The following NELL2 variants were observed in gnomAD, a reference collection of about 807,000 sequenced individuals.
NELL2 encodes the protein protein kinase C-binding protein NELL2.
Under a neutral mutation model 109.6 loss-of-function variants are expected in NELL2, and 41 were observed. The ratio of observed to expected loss-of-function variants is 0.37; its 90% CI spans 0.29 to 0.49. The LOEUF (loss-of-function observed/expected upper bound fraction) is 0.49, where lower values mean the gene tolerates loss of function less well. Among genes scored for constraint, NELL2 ranks in the 20% least tolerant of loss-of-function variants. The pLI is 0.98. For missense variants in NELL2, 900 were observed against 1,008.3 expected, an observed-to-expected ratio of 0.89 and a Z score of 1.45; for synonymous variants, 355 against 344.7, an observed-to-expected ratio of 1.03 and a Z score of -0.33.
chr12:44,915,045 G>C (rs1945818215), upstream of NELL2, among the ~76,000 whole-genome samples: 6 of 151,964 alleles, frequency 3.9e-5, no homozygotes, highest in Non-Finnish European at 8.8e-5. Context: ...TAGAAACAGG[G>C]TTTCACCGTG....
At chr12:44,685,705 G>A (rs1288204969) in intron 12 of NELL2, among the ~76,000 whole-genome samples, 6 of 151,994 alleles carry the variant, frequency 3.9e-5, no homozygotes, top group Non-Finnish European at 1.5e-5. Flanking sequence ...GAAATTCTAG[G>A]TTGAAAATTC....
chr12:44,644,470 GAA>G (rs929753286), intron 13 of NELL2, among the ~76,000 whole-genome samples: 7 of 151,090 alleles, frequency 4.6e-5, no homozygotes, highest in African/African-American at 1.5e-4. Flanking sequence ...ATAAAGGAGG[GAA>G]AGTCTTCATT....
chr12:44,657,608 T>C (rs1035428333), intron 13 of NELL2, among the ~76,000 whole-genome samples: 1 of 152,178 alleles, frequency 6.6e-6, no homozygotes, highest in Non-Finnish European at 1.5e-5. Flanking sequence ...TAGGTATTTC[T>C]CCTAATGCTA....
intron 15 of NELL2, among the ~76,000 whole-genome samples, chr12:44,550,778 G>C (rs1379449683): frequency 6.6e-6 from 1 of 152,206 alleles, no homozygotes; most frequent in Non-Finnish European, 1.5e-5. Flanking sequence ...AAAGATAAGT[G>C]CTGTATAATC....
At chr12:44,650,775 C>A (rs1160868366) in intron 13 of NELL2, among the ~76,000 whole-genome samples, 2 of 147,252 alleles carry the variant, frequency 1.4e-5, no homozygotes, top group Non-Finnish European at 2.9e-5. Flanking sequence ...TTCTTTCTTT[C>A]TTTCTTTCTT....
intron 1 of NELL2, among the ~76,000 whole-genome samples, chr12:44,898,214 T>C (rs1254828514): frequency 1.3e-5 from 2 of 151,640 alleles, no homozygotes; most frequent in African/African-American, 4.9e-5. Context: ...GCCTGCTGGC[T>C]CTGAAGAGAG....
chr12:44,733,420 C>T (rs936935814), intron 9 of NELL2, among the ~76,000 whole-genome samples: 10 of 151,882 alleles, frequency 6.6e-5, no homozygotes, highest in Non-Finnish European at 5.9e-5. Flanking sequence ...ATGGATGAAT[C>T]TTGAGAACAT....
At chr12:44,526,508 C>T (rs116032417) in intron 16 of NELL2, among the ~76,000 whole-genome samples, 4 of 152,288 alleles carry the variant, frequency 2.6e-5, no homozygotes, top group Admixed American at 2.0e-4. Flanking sequence ...CAATCATGCT[C>T]TAAGCCTGTG....
intron 1 of NELL2, among the ~76,000 whole-genome samples, chr12:44,913,380 T>G (rs1003729971): frequency 2.0e-5 from 3 of 152,168 alleles, no homozygotes; most frequent in African/African-American, 7.2e-5. Context: ...TGATTTCTAG[T>G]TTTTTCTTTA....
chr12:44,603,041 G>A, intron 15 of NELL2, among the ~76,000 whole-genome samples: 1 of 152,204 alleles, frequency 6.6e-6, no homozygotes, highest in South Asian at 2.1e-4. Context: ...CAACACTCAT[G>A]TAGGCCTCAT....
At position 44,774,800 on chromosome 12, in the gene NELL2, G is replaced by T; in HGVS notation, c.941C>A (p.Pro314Gln). The stretch of plus-strand genomic sequence containing the variant: ...CACATACGCAAGAGCCGACTTAAGT[G>T]GGCAGTCAGGATTTGGGCAGATTAG... ...ETLICPNPDC[P>Q]LKSALAYVDG... Residue 314 changes from proline to glutamine, a missense_variant, in exon 9 of 20, where the codon CCA becomes CAA. Physicochemically the swap from Pro to Gln is moderately conservative, Grantham distance 76. Around this residue, in one of 4 missense-constraint regions of NELL2, gnomAD observed 292 missense variants for 265.3 expected, o/e 1.10. Transcript: ENST00000429094. The T allele has an allele frequency of 6.2e-7, 1 of 1,614,094 alleles. No homozygotes were observed. The highest frequency in any genetic ancestry group is 1.1e-5 in the South Asian group (1 of 91,074).
chr12:44,620,068 T>A (rs745418328), intron 13 of NELL2, among the ~76,000 whole-genome samples: 3 of 151,534 alleles, frequency 2.0e-5, no homozygotes, highest in Non-Finnish European at 4.4e-5. Flanking sequence ...TTAATAGATA[T>A]AAGAGAGCCT....
At chr12:44,781,490 C>T (rs1428637615) in intron 3 of NELL2, among the ~76,000 whole-genome samples, 5 of 151,960 alleles carry the variant, frequency 3.3e-5, no homozygotes, top group Non-Finnish European at 5.9e-5. Flanking sequence ...GAAATAATGG[C>T]TGAACACCTC....
intron 16 of NELL2, among the ~76,000 whole-genome samples, chr12:44,529,953 C>T (rs1941965782): frequency 6.6e-6 from 1 of 152,054 alleles, no homozygotes; most frequent in Non-Finnish European, 1.5e-5. Context: ...GTTTTGTTTT[C>T]AAAGATGGCC....
At chr12:44,673,258 G>T (rs935262409) in intron 12 of NELL2, among the ~76,000 whole-genome samples, 1 of 152,122 alleles carries the variant, frequency 6.6e-6, no homozygotes, top group East Asian at 1.9e-4. Flanking sequence ...GCATAAAAAT[G>T]GCATGACTAA....
chr12:44,726,585 A>T (rs1032893522), intron 9 of NELL2, among the ~76,000 whole-genome samples: 5 of 152,156 alleles, frequency 3.3e-5, no homozygotes, highest in Admixed American at 1.3e-4. Flanking sequence ...TTCTAACTAA[A>T]CATAAAGGTA....
At chr12:44,677,262 T>C (rs1028943319) in intron 12 of NELL2, among the ~76,000 whole-genome samples, 1 of 152,194 alleles carries the variant, frequency 6.6e-6, no homozygotes, top group Admixed American at 6.5e-5. Flanking sequence ...TCTTACACAC[T>C]ATATGAGAGT....
At chr12:44,893,601 T>G (rs748312910) in intron 1 of NELL2, among the ~76,000 whole-genome samples, 12 of 152,102 alleles carry the variant, frequency 7.9e-5, no homozygotes, top group Non-Finnish European at 1.3e-4. Flanking sequence ...TCATTGCATA[T>G]CAGGAGTAAC....
intron 1 of NELL2, among the ~76,000 whole-genome samples, chr12:44,889,648 G>C (rs912754006): frequency 6.6e-6 from 1 of 151,218 alleles, no homozygotes; most frequent in African/African-American, 2.5e-5. Flanking sequence ...GTGATATCCA[G>C]AAATCGGCTT....
Sources: allele counts gnomAD v4.1 joint callset (sites outside exome capture counted in the v4.1 genomes callset), GRCh38; gene constraint gnomAD v4.1.1; regional missense constraint gnomAD v4.1.1; transcripts MANE v1.5; gene names NCBI Gene and HGNC (gene_info 2026-07-23, HGNC 2026-07-21).